Variants in DAB1 observed in about 807,000 individuals in gnomAD.
DAB1 encodes DAB adaptor protein 1.
Under a neutral mutation model 64.6 loss-of-function variants are expected in DAB1, and 15 were observed. The ratio of observed to expected loss-of-function variants is 0.23; its 90% CI spans 0.16 to 0.36. The LOEUF is 0.36. Among genes scored for constraint, DAB1 ranks in the 10% least tolerant of loss-of-function variants. DAB1 has a pLI of 1.00. For synonymous variants in DAB1, 235 were observed against 251.9 expected (o/e 0.93, Z 0.64); for missense variants, 596 against 706.7 (o/e 0.84, Z 1.78).
At chr1:57,247,487 A>T (rs1668973432) in intron 2 of DAB1, among the ~76,000 whole-genome samples, 1 of 152,160 alleles carries the variant, frequency 6.6e-6, no homozygotes, top group African/African-American at 2.4e-5. Flanking sequence ...TTTTCTTCAT[A>T]AATCACCCAC....
chr1:57,827,526 G>C (rs1352657489), intron 1 of DAB1, among the ~76,000 whole-genome samples: 1 of 152,110 alleles, frequency 6.6e-6, no homozygotes, highest in Non-Finnish European at 1.5e-5. Context: ...AATTTTGTGG[G>C]GAAAAATAAA....
intron 2 of DAB1, among the ~76,000 whole-genome samples, chr1:57,260,958 G>A (rs1256283776): frequency 6.6e-6 from 1 of 152,146 alleles, no homozygotes; most frequent in Admixed American, 6.6e-5. Context: ...GTGGCCTTGG[G>A]CAAGTTATTA....
intron 6 of DAB1, among the ~76,000 whole-genome samples, chr1:57,745,246 G>A (rs1292953857): frequency 1.3e-5 from 2 of 152,082 alleles, no homozygotes; most frequent in Non-Finnish European, 2.9e-5. Context: ...CTACTTCCCG[G>A]GAAGTTGTTT....
At chr1:57,897,417 A>G (rs912630652) in intron 5 of DAB1, among the ~76,000 whole-genome samples, 11 of 152,174 alleles carry the variant, frequency 7.2e-5, no homozygotes, top group Admixed American at 5.9e-4. Context: ...TGTGGAAAAA[A>G]AAATCCCATA....
At chr1:57,337,501 C>T (rs1677174261) in intron 1 of DAB1, among the ~76,000 whole-genome samples, 2 of 152,196 alleles carry the variant, frequency 1.3e-5, no homozygotes, top group Non-Finnish European at 2.9e-5. Context: ...GGAAGCCTTC[C>T]TCAGTTTCCC....
At chr1:57,174,179 C>A (rs1481945322) in intron 2 of DAB1, among the ~76,000 whole-genome samples, 2 of 152,152 alleles carry the variant, frequency 1.3e-5, no homozygotes, top group Non-Finnish European at 2.9e-5. Flanking sequence ...TATCAGTATT[C>A]CATCACTGGC....
intron 6 of DAB1, among the ~76,000 whole-genome samples, chr1:57,791,407 A>C (rs1237143659): frequency 2.0e-5 from 3 of 152,164 alleles, no homozygotes; most frequent in Admixed American, 6.5e-5. Context: ...ACCAGTTACT[A>C]GGCTTGACAT....
intron 5 of DAB1, among the ~76,000 whole-genome samples, chr1:57,901,888 A>C (rs183694227): frequency 6.6e-6 from 1 of 152,250 alleles, no homozygotes; most frequent in Non-Finnish European, 1.5e-5. Context: ...TGTACTCTGA[A>C]CTTGGTCTTA....
intron 5 of DAB1, among the ~76,000 whole-genome samples, chr1:57,902,001 C>A (rs1644481122): frequency 6.6e-6 from 1 of 151,508 alleles, no homozygotes; most frequent in South Asian, 2.1e-4. Context: ...ACAAAAAAAA[C>A]AAAATTAGCT....
intron 5 of DAB1, among the ~76,000 whole-genome samples, chr1:57,908,269 G>T (rs1202798): frequency 0.2 from 29,739 of 151,972 alleles, 3,341 homozygotes; most frequent in Admixed American, 0.27. Context: ...CCACCCTCCT[G>T]CCTTTGGCTA....
At chr1:57,243,208 G>A (rs1033262874) in intron 2 of DAB1, among the ~76,000 whole-genome samples, 4 of 152,132 alleles carry the variant, frequency 2.6e-5, no homozygotes, top group Admixed American at 1.3e-4. Context: ...TGTTTATTAG[G>A]ACTATTTTTA....
chr1:58,297,922 T>C lies in DAB1; in HGVS notation n.309+45430A>G, dbSNP rs11801823. ...ACAGAGCTGAGAAAGAATGTGTCTA[T>C]AGTGGGAGATTGGGAGAATGGCTCC... On this transcript the variant is annotated intron_variant and non_coding_transcript_variant, in intron 4 of 20. Coordinates refer to the DAB1 transcript ENST00000485760. Among the ~76,000 whole-genome samples the C allele has an allele frequency of 8.9e-3, 1,349 of 152,272 alleles. 19 individuals are homozygous for C. Among genetic ancestry groups the C allele is most frequent in the African/African-American group, 0.026 (1,100 of 41,552 alleles).
At chr1:57,934,256 A>G (rs1202771) in intron 5 of DAB1, among the ~76,000 whole-genome samples, 26,522 of 151,968 alleles carry the variant, frequency 0.17, 3,045 homozygotes, top group African/African-American at 0.32. Flanking sequence ...TTTGGTGGGG[A>G]GAGTGTAGTG....
rs750911992 is a variant in DAB1, at chr1:57,104,492, C to T, written c.306+32051G>A. Reference sequence around the variant, plus strand: ...AGAAAAGGTGTGCTGGGAATTAGGGCAGGGAGGGCTTAAATCGACTTAAGT... The same window carrying T: ...AGAAAAGGTGTGCTGGGAATTAGGGTAGGGAGGGCTTAAATCGACTTAAGT... On this transcript the variant is annotated intron_variant, in intron 4 of 14. Transcript: ENST00000371236. Among the ~76,000 whole-genome samples, 47 of 152,264 alleles carry T rather than the reference C, an allele frequency of 3.1e-4. No individual in the cohort carries two copies. In the Middle Eastern group the frequency reaches 0.01, roughly 33 times the overall value.
chr1:57,750,952 A>G (rs1557459902), intron 6 of DAB1, among the ~76,000 whole-genome samples: 1 of 152,106 alleles, frequency 6.6e-6, no homozygotes, highest in Non-Finnish European at 1.5e-5. Context: ...TGCTTTTAAC[A>G]TTTTGATCAT....
intron 2 of DAB1, among the ~76,000 whole-genome samples, chr1:57,254,890 C>G (rs1440432586): frequency 6.6e-6 from 1 of 152,134 alleles, no homozygotes; most frequent in African/African-American, 2.4e-5. Flanking sequence ...AAAATTCTGA[C>G]TTCCATTCTG....
At chr1:57,326,935 T>G (rs970304131) in intron 1 of DAB1, among the ~76,000 whole-genome samples, 1 of 124,854 alleles carries the variant, frequency 8.0e-6, no homozygotes, top group African/African-American at 4.8e-5. Flanking sequence ...AGCACTATTA[T>G]TTATTTATTT....
intron 1 of DAB1, among the ~76,000 whole-genome samples, chr1:57,853,266 T>C (rs146156602): frequency 1.3e-5 from 2 of 151,112 alleles, no homozygotes; most frequent in East Asian, 3.9e-4. Context: ...AAAAAGCCAT[T>C]TGGGAGAAGA....
chr1:57,026,535 A>G (rs556888627), intron 9 of DAB1, among the ~76,000 whole-genome samples: 2 of 152,256 alleles, frequency 1.3e-5, no homozygotes, highest in East Asian at 1.9e-4. Context: ...CATTTTTACA[A>G]ATAAATAAAC....
Sources: allele counts gnomAD v4.1 joint callset (sites outside exome capture counted in the v4.1 genomes callset), GRCh38; gene constraint gnomAD v4.1.1; transcripts MANE v1.5; gene names NCBI Gene and HGNC (gene_info 2026-07-23, HGNC 2026-07-21).